Variants in LZIC observed in about 807,000 individuals in gnomAD.
The protein encoded by LZIC is protein LZIC.
In LZIC, 28 loss-of-function variants were observed where a neutral mutation model predicts 25.4. The observed-to-expected ratio is 1.10, with a 90% CI of 0.82 to 1.51. The LOEUF is 1.51. Ranked by LOEUF, LZIC falls within the 40% of genes most tolerant of loss-of-function variation. The probability of loss-of-function intolerance (pLI) is 0.00; values close to 1 mark genes in which losing one functional copy is unlikely to be tolerated. For missense variants in LZIC, 170 were observed against 211.1 expected, an observed-to-expected ratio of 0.81 and a Z score of 1.21; for synonymous variants, 65 against 70.7, an observed-to-expected ratio of 0.92 and a Z score of 0.40.
At chr1:9,924,291 CACTT>C (rs1639928083), downstream of LZIC, among the ~76,000 whole-genome samples, 1 of 152,134 alleles carries the variant, frequency 6.6e-6, no homozygotes, top group African/African-American at 2.4e-5. Context: ...AACAATAAAA[CACTT>C]AATTGTCTTA....
chr1:9,926,743 C>T lies in LZIC; in HGVS notation c.*3656G>A, dbSNP rs893472579. 6.6e-6 allele frequency among the ~76,000 whole-genome samples: 1 copy of T among 152,170 alleles called. No individual in the cohort carries two copies. The highest frequency in any genetic ancestry group is 2.4e-5 in the African/African-American group (1 of 41,440). ...TCCTTTCACCAAAATATTAGCCTGA[C>T]ACAAGAATGTTGAAAGGTTAGCTGC... On this transcript the variant is annotated 3_prime_UTR_variant, in exon 8 of 8. Coordinates refer to ENST00000377223, the MANE Select transcript of LZIC (RefSeq NM_032368.5).
chr1:9,927,678 C>CTTTTTTTTTTTTT lies in LZIC; in HGVS notation c.*2708_*2720dup, dbSNP rs551706607. On this transcript the variant is annotated 3_prime_UTR_variant, in exon 8 of 8. Coordinates refer to ENST00000377223, the MANE Select transcript of LZIC (RefSeq NM_032368.5). ...AGGGTAAGGGAAGAATCTTCTTCCT[C>CTTTTTTTTTTTTT]TTTTTTTTTTTTTTTTTTTTTTTGA... 9.4e-6 allele frequency among the ~76,000 whole-genome samples: 1 copy of CTTTTTTTTTTTTT among 106,666 alleles called. No homozygotes were observed. Among genetic ancestry groups the CTTTTTTTTTTTTT allele is most frequent in the Non-Finnish European group, 1.8e-5 (1 of 54,778 alleles). The allele number at this position is 106,666 out of a possible 152,430, so 70.0% of individuals were successfully genotyped here.
downstream of LZIC, among the ~76,000 whole-genome samples, chr1:9,925,262 G>A (rs546234977): frequency 3.3e-5 from 5 of 151,926 alleles, no homozygotes; most frequent in East Asian, 9.7e-4. Context: ...GCGGCAAGCC[G>A]AGATCGGGCC....
At chr1:9,939,228 A>AT (rs1349246308) in intron 2 of LZIC, among the ~76,000 whole-genome samples, 61 of 151,782 alleles carry the variant, frequency 4.0e-4, no homozygotes, top group African/African-American at 1.4e-3. Context: ...CGTCCGGCTA[A>AT]TTTTTGTATT....
rs185647672 is a variant in LZIC, at chr1:9,931,919, G to A, written c.486C>T (p.Ser162=). 6.2e-7 allele frequency: 1 copy of A among 1,613,570 alleles called. No individual in the cohort carries two copies. The highest frequency in any genetic ancestry group is 8.5e-7 in the Non-Finnish European group (1 of 1,179,738). The change falls in exon 7 of 8, where the codon AGC becomes AGT. Residue 162 remains serine, a synonymous_variant. Coordinates refer to ENST00000377223, the MANE Select transcript of LZIC (RefSeq NM_032368.5). ...GGTCTGTAGAGACTTTCTCAAACTG[G>A]CTGAGTATAGCACCTGCATTTGCTG... ...FLSANAGAIL[S]QFEKVSTDLG...
downstream of LZIC, among the ~76,000 whole-genome samples, chr1:9,922,823 A>C (rs1214519961): frequency 6.6e-6 from 1 of 152,204 alleles, no homozygotes; most frequent in Non-Finnish European, 1.5e-5. Flanking sequence ...CAGAGTAGGA[A>C]ACATATAGAA....
At chr1:9,925,635 G>A (rs61785619), downstream of LZIC, among the ~76,000 whole-genome samples, 27,261 of 151,950 alleles carry the variant, frequency 0.18, 2,817 homozygotes, top group East Asian at 0.35. Flanking sequence ...TGTCGCCCAG[G>A]CTGGAATGCA....
In LZIC at chr1:9,926,810, C is replaced by T. The variant is rs765835389; in HGVS notation, c.*3589G>A. Among the ~76,000 whole-genome samples, 5 of 152,196 alleles carry T rather than the reference C, an allele frequency of 3.3e-5. No homozygotes were observed. Among genetic ancestry groups the T allele is most frequent in the Non-Finnish European group, 7.3e-5 (5 of 68,036 alleles). ...CCTATAATCTCCAAAGATATCTGAA[C>T]ACCTAGAAGATTAAATGTAGCAAGA... is the stretch of plus-strand genomic sequence containing the variant. On this transcript the variant is annotated 3_prime_UTR_variant, in exon 8 of 8. Transcript: ENST00000377223.
intron 7 of LZIC, 76 bp from the exon 8 acceptor site, chr1:9,930,533 T>C (rs1039440410): frequency 6.3e-7 from 1 of 1,587,002 alleles, no homozygotes; most frequent in African/African-American, 1.4e-5. Context: ...TGGGAAAAAA[T>C]CTATCATATA....
In LZIC at chr1:9,930,155, C is replaced by T. The variant is rs61785620; in HGVS notation, c.*244G>A. On this transcript the variant is annotated 3_prime_UTR_variant, in exon 8 of 8. Coordinates refer to ENST00000377223, the MANE Select transcript of LZIC (RefSeq NM_032368.5). ...TCTCTCTTAAACAGACAAATCATAA[C>T]GAACAGAGTCCAGTGAGTCCCTCTG... 1,750 of 1,252,936 alleles carry T rather than the reference C, an allele frequency of 1.4e-3. 29 individuals are homozygous for T. In the African/African-American group the frequency reaches 0.024, roughly 17 times the overall value. The allele number at this position is 1,252,936 out of a possible 1,614,324, so 77.6% of individuals were successfully genotyped here. A position where few individuals can be genotyped will look rare whatever the true frequency, so the allele number is the denominator to read the frequency against.
chr1:9,940,300 C>T (rs1640654750), intron 2 of LZIC, among the ~76,000 whole-genome samples: 1 of 152,050 alleles, frequency 6.6e-6, no homozygotes, highest in Non-Finnish European at 1.5e-5. Flanking sequence ...CCTCAGCCTC[C>T]CGAGTAGCTA....
rs774778042 is a variant in LZIC at position 9,929,397 on chromosome 1, G to A, written c.*1002C>T. 25 of 985,056 alleles carry A rather than the reference G, an allele frequency of 2.5e-5. No homozygotes were observed. The highest frequency in any genetic ancestry group is 3.5e-5 in the African/African-American group (2 of 57,216). The allele number at this position is 985,056 out of a possible 1,614,324, so 61.0% of individuals were successfully genotyped here. On this transcript the variant is annotated 3_prime_UTR_variant, in exon 8 of 8. Coordinates refer to ENST00000377223, the MANE Select transcript of LZIC (RefSeq NM_032368.5). ...AAATAAGCTAATATACACGCATAGG[G>A]ACACATCTGCATATTTGAGCATACA...
chr1:9,939,677 C>T (rs902377024), intron 2 of LZIC, among the ~76,000 whole-genome samples: 1 of 149,710 alleles, frequency 6.7e-6, no homozygotes, highest in African/African-American at 2.4e-5. Context: ...TTGCTATTTA[C>T]ATTATTATGG....
intron 4 of LZIC, 131 bp downstream of exon 4, chr1:9,935,361 G>C: frequency 1.2e-6 from 1 of 846,126 alleles, no homozygotes; most frequent in Non-Finnish European, 1.8e-6. Context: ...CTGGGAGGCG[G>C]AGGTTGCAGT....
chr1:9,927,980 A>C lies in LZIC; in HGVS notation c.*2419T>G, dbSNP rs1184693662. On this transcript the variant is annotated 3_prime_UTR_variant, in exon 8 of 8. Transcript: ENST00000377223. The stretch of plus-strand genomic sequence containing the variant: ...GAGCCACTGTGCCCGACTGGTGGGA[A>C]GAATCTTCTATGGCTTAAAAAACAA... 6.6e-6 allele frequency among the ~76,000 whole-genome samples: 1 copy of C among 151,950 alleles called. No homozygotes were observed. The highest frequency in any genetic ancestry group is 1.5e-5 in the Non-Finnish European group (1 of 67,994).
Position 9,936,629 on chromosome 1 carries a change from T to G in LZIC, c.-8-2A>C. On this transcript the variant is annotated splice_acceptor_variant, in intron 2 of 7. Transcript: ENST00000377223. LOFTEE classifies it low-confidence loss of function (5UTR_SPLICE). ...TTCCTCTGGAAGCCATTTTAATCTC[T>G]ATGTGAAACAATAAACCCACATACC... 6.3e-7 allele frequency: 1 copy of G among 1,586,296 alleles called. No homozygotes were observed. Among genetic ancestry groups the G allele is most frequent in the Non-Finnish European group, 8.7e-7 (1 of 1,156,068 alleles).
At chr1:9,926,039 G>A (rs1177515606), downstream of LZIC, among the ~76,000 whole-genome samples, 3 of 151,484 alleles carry the variant, frequency 2.0e-5, no homozygotes, top group Admixed American at 6.6e-5. Context: ...GACTACAGGC[G>A]CCCGCCACCA....
chr1:9,935,515 C>T lies in LZIC; in HGVS notation c.214G>A (p.Asp72Asn). 1 of 1,609,504 alleles carries T rather than the reference C, an allele frequency of 6.2e-7. No homozygotes were observed. The highest frequency in any genetic ancestry group is 8.5e-7 in the Non-Finnish European group (1 of 1,178,888). Residue 72 changes from aspartate (D) to asparagine (N), a missense_variant, in exon 4 of 8, where the codon GAT (aspartate) becomes AAT (asparagine). Asp to Asn is a conservative substitution (Grantham distance 23). Coordinates refer to ENST00000377223, the MANE Select transcript of LZIC (RefSeq NM_032368.5). Reference sequence around the variant, plus strand: ...ACCAGCTGCATTCCACTTAGTTCATCTACCAAAGTCATATTTCCAGACATA... The same window carrying T: ...ACCAGCTGCATTCCACTTAGTTCATTTACCAAAGTCATATTTCCAGACATA... ...KIMSGNMTLV[D>N]ELSGMQLAIQ...
At chr1:9,937,922 T>G (rs1485937326) in intron 2 of LZIC, among the ~76,000 whole-genome samples, 1 of 144,008 alleles carries the variant, frequency 6.9e-6, no homozygotes, top group Non-Finnish European at 1.5e-5. Flanking sequence ...AATTTAGATA[T>G]AAAAGTTTAA....
Sources: gnomAD v4.1 joint callset for allele counts (sites outside exome capture counted in the v4.1 genomes callset) on GRCh38, gnomAD v4.1.1 for gene constraint, MANE v1.5 for transcripts, NCBI Gene and HGNC (gene_info 2026-07-23, HGNC 2026-07-21) for gene names.